SPTB: variants seen among roughly 807,000 people sequenced by gnomAD.
SPTB encodes spectrin beta, erythrocytic.
A neutral mutation model predicts 256.2 loss-of-function variants in SPTB; 45 were observed. That is an observed-to-expected ratio of 0.18 (90% confidence interval 0.14 to 0.23). The LOEUF is 0.23. SPTB is among the 10% of genes least tolerant of loss of function. The pLI is 1.00. For missense variants in SPTB, 2,715 were observed against 3,040.4 expected, an observed-to-expected ratio of 0.89 and a Z score of 2.52; for synonymous variants, 1,231 against 1,243.1, an observed-to-expected ratio of 0.99 and a Z score of 0.21.
chr14:64,767,426 A>G (rs2082203155), intron 30 of SPTB, 74 bp from the exon 31 acceptor site: 1 of 1,592,204 alleles, frequency 6.3e-7, no homozygotes, highest in Non-Finnish European at 8.6e-7. Flanking sequence ...CTCCCTCTGG[A>G]TGCGGCCCTG....
In SPTB at chr14:64,786,316, C is replaced by T; in HGVS notation, c.3561+88G>A. ...GAGTACAAGACAAGAGTAATGTGGTCCCTGAGTCTTACAGCACATTTGTGG... is the reference window on the plus strand; with the variant it reads ...GAGTACAAGACAAGAGTAATGTGGTTCCTGAGTCTTACAGCACATTTGTGG... On this transcript the variant is annotated intron_variant, in intron 16 of 35. Transcript: ENST00000644917. The surrounding 1 kb of genome is among the most constrained non-coding windows in gnomAD (Gnocchi z 5.6). 2.6e-6 allele frequency: 4 copies of T among 1,531,194 alleles called. No individual in the cohort carries two copies. Among genetic ancestry groups the T allele is most frequent in the South Asian group, 2.2e-5 (2 of 89,012 alleles). 94.9% of individuals were successfully genotyped at this position (1,531,194 alleles called of 1,614,324 possible).
chr14:64,763,709 CT>C (rs1398440106), intron 32 of SPTB: 4 of 517,728 alleles, frequency 7.7e-6, no homozygotes, highest in African/African-American at 7.7e-5. Context: ...GCAGTTTTGT[CT>C]TTCGTGAGTG....
At chr14:64,867,030 T>G (rs564681429) in intron 1 of SPTB, among the ~76,000 whole-genome samples, 39 of 152,236 alleles carry the variant, frequency 2.6e-4, no homozygotes, top group Non-Finnish European at 3.2e-4. Context: ...GTATTCTGGA[T>G]GAATAAATTT....
intron 1 of SPTB, among the ~76,000 whole-genome samples, chr14:64,863,050 T>A (rs1281259455): frequency 6.6e-6 from 1 of 152,160 alleles, no homozygotes; most frequent in Admixed American, 6.5e-5. Context: ...CTCCCTTCCA[T>A]TCCTACTGCC....
rs879020232 is a variant in SPTB at position 64,775,007 on chromosome 14, C to A, written c.4842+118G>T. 14 of 1,439,320 alleles carry A rather than the reference C, an allele frequency of 9.7e-6. No individual in the cohort carries two copies. The highest frequency in any genetic ancestry group is 1.4e-5 in the Non-Finnish European group (14 of 1,033,204). 89.2% of individuals were successfully genotyped at this position (1,439,320 alleles called of 1,614,324 possible). On this transcript the variant is annotated intron_variant, in intron 23 of 35. Transcript: ENST00000644917. This position sits in a 1 kb window ranked among gnomAD's most constrained non-coding sequence, Gnocchi z 5.0. ...GCAGGGAGTCTGTGGGTTCCTTGTG[C>A]CCCTCCCCTGGCCTCACTCCTCACA...
rs1566775649 is a variant in SPTB at position 64,805,089 on chromosome 14, A to G, written c.150T>C (p.Asp50=). 6.2e-7 allele frequency: 1 copy of G among 1,614,008 alleles called. No homozygotes were observed. Among genetic ancestry groups the G allele is most frequent in the African/African-American group, 1.3e-5 (1 of 74,914 alleles). The change falls in exon 3 of 36, where the codon GAT becomes GAC. Residue 50 remains aspartate (D), a splice_region_variant and synonymous_variant. Transcript: ENST00000644917. ...TCTTTTTCTGAACAACTTCCCGCTC[A>G]TCTAGGTGGAGAGAAGAACCTTGGT... ...FERSRIKALA[D]EREVVQKKTF... is the part of the protein sequence containing the mutation.
At chr14:64,865,547 C>T (rs1379764947) in intron 1 of SPTB, among the ~76,000 whole-genome samples, 3 of 152,080 alleles carry the variant, frequency 2.0e-5, no homozygotes, top group Non-Finnish European at 2.9e-5. Context: ...GGGTCAGATG[C>T]GGTGAGAGCA....
intron 2 of SPTB, 127 bp from the exon 3 acceptor site, chr14:64,805,217 T>C: frequency 1.0e-6 from 1 of 996,994 alleles, no homozygotes. Context: ...ATGTATTCAT[T>C]CCACTCCCTT....
At position 64,766,023 on chromosome 14, in the gene SPTB, ATGTG is replaced by A. The variant is rs66645231; in HGVS notation, c.6345+699_6345+702del. 2.0e-3 allele frequency among the ~76,000 whole-genome samples: 258 copies of A among 129,568 alleles called. 1 individual carries two copies. The highest frequency in any genetic ancestry group is 7.2e-3 in the African/African-American group (243 of 33,660). The allele number at this position is 129,568 out of a possible 152,430, so 85.0% of individuals were successfully genotyped here. A position where few individuals can be genotyped will look rare whatever the true frequency, so the allele number is the denominator to read the frequency against. ...GGTGTGTGCATATTTGTGTGTGCAT[ATGTG>A]TGTATGTGGGTGTGTGGGTGTGCGT... On this transcript the variant is annotated intron_variant, in intron 32 of 35. Transcript: ENST00000644917.
In SPTB at chr14:64,749,509, C is replaced by T; in HGVS notation, c.6820-36G>A. 1 of 1,596,848 alleles carries T rather than the reference C, an allele frequency of 6.3e-7. No homozygotes were observed. The highest frequency in any genetic ancestry group is 8.5e-7 in the Non-Finnish European group (1 of 1,177,152). On this transcript the variant is annotated intron_variant, in intron 35 of 35. Coordinates refer to ENST00000644917, the MANE Select transcript of SPTB (RefSeq NM_001355436.2). This position sits in a 1 kb window ranked among gnomAD's most constrained non-coding sequence, Gnocchi z 4.7. ...GAGGGTCACGGTGGAGTCTGGAGGC[C>T]CACAGCCCCCCACCTCCCGGGCCAG...
chr14:64,752,841 C>T (rs955436704), intron 33 of SPTB, among the ~76,000 whole-genome samples: 2 of 152,154 alleles, frequency 1.3e-5, no homozygotes, highest in Non-Finnish European at 2.9e-5. Flanking sequence ...TGGTGCTGCC[C>T]TATTTTCTTG....
At chr14:64,751,763 CT>C (rs1441614242) in intron 33 of SPTB, among the ~76,000 whole-genome samples, 2 of 151,936 alleles carry the variant, frequency 1.3e-5, no homozygotes, top group Non-Finnish European at 1.5e-5. Flanking sequence ...GTATACTAAA[CT>C]TTTTAAAGGA....
In SPTB at chr14:64,792,079, G is replaced by T. The variant is rs950850075; in HGVS notation, c.2667-223C>A. ...TAGCATTGCCTGGAACAGGCCGGGA[G>T]AGAGCCAGTTACTTCCTACACGGGC... On this transcript the variant is annotated intron_variant, in intron 14 of 35. Coordinates refer to ENST00000644917, the MANE Select transcript of SPTB (RefSeq NM_001355436.2). The surrounding 1 kb of genome is among the most constrained non-coding windows in gnomAD (Gnocchi z 4.2). Among the ~76,000 whole-genome samples, 1 of 152,216 alleles carries T rather than the reference G, an allele frequency of 6.6e-6. No homozygotes were observed. The highest frequency in any genetic ancestry group is 2.4e-5 in the African/African-American group (1 of 41,456).
chr14:64,859,011 C>A (rs1040633486), intron 1 of SPTB, among the ~76,000 whole-genome samples: 1 of 152,204 alleles, frequency 6.6e-6, no homozygotes, highest in Non-Finnish European at 1.5e-5. Context: ...GTAATCCCAG[C>A]ACTTTGGGAG....
At chr14:64,851,852 AG>A (rs1432659249) in intron 1 of SPTB, among the ~76,000 whole-genome samples, 2 of 138,446 alleles carry the variant, frequency 1.4e-5, no homozygotes, top group African/African-American at 5.5e-5. Context: ...AACACGCACT[AG>A]GGCCTGTTGT....
chr14:64,864,224 A>C (rs766643338), intron 1 of SPTB, among the ~76,000 whole-genome samples: 57 of 152,068 alleles, frequency 3.7e-4, no homozygotes, highest in Admixed American at 5.9e-4. Flanking sequence ...TGGGAGGCCA[A>C]GGTGGGAGGA....
At chr14:64,762,770 A>C (rs988143942) in intron 32 of SPTB, among the ~76,000 whole-genome samples, 2 of 152,194 alleles carry the variant, frequency 1.3e-5, no homozygotes, top group African/African-American at 4.8e-5. Flanking sequence ...GAGAAGGCTG[A>C]TAACGAGGGG....
intron 2 of SPTB, among the ~76,000 whole-genome samples, chr14:64,814,996 G>A (rs764462335): frequency 6.7e-6 from 1 of 150,312 alleles, no homozygotes; most frequent in Non-Finnish European, 1.5e-5. Flanking sequence ...CAGCCCCTCA[G>A]GTGGCAACTG....
Position 64,772,948 on chromosome 14 carries a change from G to A in SPTB, c.5185C>T (p.Arg1729Trp), listed in dbSNP as rs753928257. The change falls in exon 26 of 36, where the codon CGG becomes TGG. Residue 1729 changes from arginine (R) to tryptophan (W), a missense_variant. Physicochemically the swap from Arg to Trp is moderately radical, Grantham distance 101. Around this residue, in one of 4 missense-constraint regions of SPTB, gnomAD observed 2,239 missense variants for 2,384.4 expected, o/e 0.94. Transcript: ENST00000644917. This position sits in a 1 kb window ranked among gnomAD's most constrained non-coding sequence, Gnocchi z 5.4. ...GQDFDHVTLLRDKFRDFARET... is the reference protein window; with the variant it reads ...GQDFDHVTLLWDKFRDFARET... ...CGGGCAAAGTCCCGGAACTTGTCCC[G>A]CAGAAGCTAGGCATGGGGCAGACAG... The A allele has an allele frequency of 2.3e-5, 37 of 1,599,646 alleles. 1 individual carries two copies. Among genetic ancestry groups the A allele is most frequent in the Admixed American group, 1.0e-4 (6 of 59,714 alleles).
Sources: allele counts gnomAD v4.1 joint callset (sites outside exome capture counted in the v4.1 genomes callset), GRCh38; gene constraint gnomAD v4.1.1; regional missense constraint gnomAD v4.1.1; non-coding constraint Gnocchi (gnomAD v3.1); transcripts MANE v1.5; gene names NCBI Gene and HGNC (gene_info 2026-07-23, HGNC 2026-07-21).